Variants in DOCK9 observed in about 807,000 individuals in gnomAD.
DOCK9 encodes the protein dedicator of cytokinesis 9, also known as dedicator of cytokinesis protein 9.
In DOCK9, 89 loss-of-function variants were observed where a neutral mutation model predicts 263.3. The observed-to-expected ratio is 0.34, with a 90% CI of 0.28 to 0.40. DOCK9 has a LOEUF of 0.40. DOCK9 is among the 10% of genes least tolerant of loss of function. DOCK9 has a pLI of 1.00. For missense variants in DOCK9, 2,140 were observed against 2,603.4 expected (o/e 0.82, Z 3.87); for synonymous variants, 976 against 973.1 (o/e 1.00, Z -0.06).
Position 98,977,964 on chromosome 13 carries a change from T to C in DOCK9, c.-55A>G. 2.0e-6 allele frequency: 3 copies of C among 1,530,490 alleles called. No individual in the cohort carries two copies. Among genetic ancestry groups the C allele is most frequent in the Non-Finnish European group, 2.6e-6 (3 of 1,137,338 alleles). The allele number at this position is 1,530,490 out of a possible 1,614,324, so 94.8% of individuals were successfully genotyped here. A position where few individuals can be genotyped will look rare whatever the true frequency, so the allele number is the denominator to read the frequency against. On this transcript the variant is annotated 5_prime_UTR_variant, in exon 1 of 53. Transcript: ENST00000682017. Reference sequence around the variant, plus strand: ...TGCAACTGGAACAGCTGCGAGTCCCTGGCCGTGCAAGGCACAGGCATGCCA... The same window carrying C: ...TGCAACTGGAACAGCTGCGAGTCCCCGGCCGTGCAAGGCACAGGCATGCCA...
At chr13:98,890,829 G>A (rs760967620) in intron 15 of DOCK9, among the ~76,000 whole-genome samples, 5 of 152,114 alleles carry the variant, frequency 3.3e-5, no homozygotes, top group East Asian at 3.8e-4. Context: ...AAGATCCATC[G>A]TGGCCCATCG....
upstream of DOCK9, among the ~76,000 whole-genome samples, chr13:98,979,773 A>C (rs1466065253): frequency 6.6e-6 from 1 of 152,162 alleles, no homozygotes; most frequent in Non-Finnish European, 1.5e-5. Flanking sequence ...AGTAAGAAAA[A>C]ACTCTCACTT....
At chr13:98,808,614 G>A in intron 47 of DOCK9, 1 of 1,521,314 alleles carries the variant, frequency 6.6e-7, no homozygotes, top group Non-Finnish European at 9.1e-7. Context: ...TATATTACTT[G>A]CTTTTTAGGC....
At chr13:98,917,757 T>A (rs184905907) in intron 7 of DOCK9, among the ~76,000 whole-genome samples, 1 of 152,232 alleles carries the variant, frequency 6.6e-6, no homozygotes, top group African/African-American at 2.4e-5. Context: ...TCAAAGTGGT[T>A]TTTAAAGTTA....
intron 9 of DOCK9, among the ~76,000 whole-genome samples, chr13:98,908,638 T>C (rs1417338271): frequency 6.6e-6 from 1 of 152,164 alleles, no homozygotes; most frequent in East Asian, 1.9e-4. Context: ...AATGTATATA[T>C]CATGAACATA....
At chr13:99,071,415 C>T (rs1018518421) in intron 1 of DOCK9, among the ~76,000 whole-genome samples, 4 of 149,200 alleles carry the variant, frequency 2.7e-5, no homozygotes, top group South Asian at 2.1e-4. Context: ...CAATTACAGG[C>T]GTGAGTCACT....
intron 5 of DOCK9, 92 bp from the exon 6 acceptor site, chr13:98,922,238 G>A (rs570480820): frequency 1.1e-6 from 1 of 889,350 alleles, no homozygotes; most frequent in African/African-American, 1.6e-5. Context: ...CATTCCCTTT[G>A]TGCCAAGTTG....
At chr13:98,904,821 C>T in intron 9 of DOCK9, 115 bp from the exon 10 acceptor site, 1 of 877,288 alleles carries the variant, frequency 1.1e-6, no homozygotes, top group Non-Finnish European at 1.7e-6. Context: ...AAAGCTCTGC[C>T]TCGTGTTGGA....
chr13:98,876,994 T>C (rs995316587), intron 27 of DOCK9, among the ~76,000 whole-genome samples: 1 of 152,254 alleles, frequency 6.6e-6, no homozygotes, highest in Admixed American at 6.5e-5. Context: ...TGAATATTGT[T>C]TTAGGGTCAA....
At chr13:98,802,743 G>A (rs1319576795) in intron 49 of DOCK9, among the ~76,000 whole-genome samples, 6 of 152,196 alleles carry the variant, frequency 3.9e-5, no homozygotes, top group Non-Finnish European at 7.3e-5. Context: ...TCCTGGTGTA[G>A]AGGGCAGGGA....
At chr13:99,047,351 G>A (rs1277985988) in intron 1 of DOCK9, among the ~76,000 whole-genome samples, 2 of 152,162 alleles carry the variant, frequency 1.3e-5, no homozygotes, top group Non-Finnish European at 2.9e-5. Flanking sequence ...ACATAAGCAC[G>A]TCTGTTACCA....
chr13:98,882,109 A>C, intron 23 of DOCK9, 102 bp from the exon 24 acceptor site: 1 of 951,446 alleles, frequency 1.1e-6, no homozygotes, highest in Non-Finnish European at 1.6e-6. Context: ...CTCCCTCTAA[A>C]ACAAAGGGAA....
chr13:98,848,953 C>T (rs75383334), intron 36 of DOCK9, among the ~76,000 whole-genome samples: 3,819 of 152,248 alleles, frequency 0.025, 160 homozygotes, highest in African/African-American at 0.085. Flanking sequence ...ATTCACTCCA[C>T]GGCAGTGTGC....
At chr13:99,020,864 A>G (rs1354697866) in intron 1 of DOCK9, among the ~76,000 whole-genome samples, 1 of 152,220 alleles carries the variant, frequency 6.6e-6, no homozygotes, top group Non-Finnish European at 1.5e-5. Flanking sequence ...ATCTCACATA[A>G]TGATAATACC....
chr13:98,898,048 C>T, intron 14 of DOCK9, 131 bp downstream of exon 14: 5 of 674,804 alleles, frequency 7.4e-6, no homozygotes, highest in Admixed American at 3.0e-5. Flanking sequence ...TTTTCAAAAT[C>T]TGGGCTTATG....
Position 98,921,069 on chromosome 13 carries a change from A to G in DOCK9, c.602T>C (p.Phe201Ser). The G allele has an allele frequency of 1.2e-6, 2 of 1,601,530 alleles. No homozygotes were observed. Among genetic ancestry groups the G allele is most frequent in the Non-Finnish European group, 1.7e-6 (2 of 1,173,582 alleles). Residue 201 changes from phenylalanine to serine, a missense_variant, in exon 7 of 53, where the codon TTC (phenylalanine) becomes TCC (serine). Around this residue, in one of 2 missense-constraint regions of DOCK9, gnomAD observed 1,521 missense variants for 1,741.7 expected, o/e 0.87. Coordinates refer to ENST00000682017, the MANE Select transcript of DOCK9 (RefSeq NM_001366683.2). The stretch of plus-strand genomic sequence containing the variant: ...TCCATCGCCAAGTTGAATCAGGTGG[A>G]AAAATCGTCTCTTAAATGACTGAGA... ...VTMRSFKRRF[F>S]HLIQLGDGSY...
intron 1 of DOCK9, among the ~76,000 whole-genome samples, chr13:98,991,850 T>A (rs536106379): frequency 1.6e-4 from 24 of 151,432 alleles, no homozygotes; most frequent in African/African-American, 4.1e-4. Context: ...TAAAAAAAAA[T>A]AATAATAAGG....
chr13:99,039,883 G>A (rs146733140), intron 1 of DOCK9, among the ~76,000 whole-genome samples: 1,991 of 152,286 alleles, frequency 0.013, 15 homozygotes, highest in Non-Finnish European at 0.021. Flanking sequence ...TTACTGGCAT[G>A]TAACCCTGAA....
intron 6 of DOCK9, among the ~76,000 whole-genome samples, chr13:98,921,800 A>T (rs1338477122): frequency 2.0e-5 from 3 of 152,172 alleles, no homozygotes; most frequent in Non-Finnish European, 2.9e-5. Flanking sequence ...AAGAAAGCCT[A>T]TGTCAGTGTC....
Sources: allele counts gnomAD v4.1 joint callset (sites outside exome capture counted in the v4.1 genomes callset), GRCh38; gene constraint gnomAD v4.1.1; regional missense constraint gnomAD v4.1.1; transcripts MANE v1.5; gene names NCBI Gene and HGNC (gene_info 2026-07-23, HGNC 2026-07-21).